Variants in HS6ST3 observed in about 807,000 individuals in gnomAD.
The protein encoded by HS6ST3 is heparan-sulfate 6-O-sulfotransferase 3.
HS6ST3 carries 12 observed loss-of-function variants against 36.7 expected under a neutral mutation model. The ratio of observed to expected loss-of-function variants is 0.33; its 90% confidence interval spans 0.21 to 0.53. The LOEUF (loss-of-function observed/expected upper bound fraction) is 0.53. HS6ST3 is among the 20% of genes least tolerant of loss of function. The probability of loss-of-function intolerance (pLI) is 0.95; values close to 1 mark genes in which losing one functional copy is unlikely to be tolerated. For synonymous variants in HS6ST3, 240 were observed against 257.5 expected (o/e 0.93, Z 0.65); for missense variants, 584 against 640.9 (o/e 0.91, Z 0.96).
chr13:96,092,503 C>A (rs1054263665), intron 1 of HS6ST3, among the ~76,000 whole-genome samples: 1 of 152,228 alleles, frequency 6.6e-6, no homozygotes, highest in African/African-American at 2.4e-5. Flanking sequence ...AAGGTCCTTT[C>A]TGCCCATTGC....
chr13:96,685,717 A>T (rs1874756772), intron 1 of HS6ST3, among the ~76,000 whole-genome samples: 1 of 152,068 alleles, frequency 6.6e-6, no homozygotes, highest in South Asian at 2.1e-4. Flanking sequence ...GATAAAATAT[A>T]TTCTCTTAAA....
intron 1 of HS6ST3, among the ~76,000 whole-genome samples, chr13:96,555,624 T>C (rs375433481): frequency 7.5e-4 from 114 of 152,320 alleles, no homozygotes; most frequent in African/African-American, 2.7e-3. Context: ...ACATGGTTTA[T>C]ATTATGTATG....
At chr13:96,462,977 T>TA (rs1198682317) in intron 1 of HS6ST3, among the ~76,000 whole-genome samples, 1 of 152,184 alleles carries the variant, frequency 6.6e-6, no homozygotes, top group African/African-American at 2.4e-5. Context: ...TTATAGATTA[T>TA]AAATTTGATT....
intron 1 of HS6ST3, among the ~76,000 whole-genome samples, chr13:96,444,937 G>A (rs1030146473): frequency 2.0e-5 from 3 of 152,144 alleles, no homozygotes; most frequent in African/African-American, 7.2e-5. Flanking sequence ...ACTCTTTGAA[G>A]ATCAGAAGAT....
At chr13:96,400,427 A>G (rs907816105) in intron 1 of HS6ST3, among the ~76,000 whole-genome samples, 5 of 152,094 alleles carry the variant, frequency 3.3e-5, no homozygotes, top group Non-Finnish European at 7.4e-5. Flanking sequence ...CATAATATCT[A>G]GTAAAGTGTC....
At chr13:96,652,516 G>A (rs1025283752) in intron 1 of HS6ST3, among the ~76,000 whole-genome samples, 2 of 151,756 alleles carry the variant, frequency 1.3e-5, no homozygotes, top group Non-Finnish European at 2.9e-5. Flanking sequence ...GTGCTTTAAT[G>A]TACTTGGTAC....
At chr13:96,204,986 T>C (rs959671372) in intron 1 of HS6ST3, among the ~76,000 whole-genome samples, 14 of 151,578 alleles carry the variant, frequency 9.2e-5, no homozygotes, top group African/African-American at 2.9e-4. Flanking sequence ...ATAACCAAAA[T>C]CAGAGCTGAA....
chr13:96,279,883 A>AT (rs2054766929), intron 1 of HS6ST3, among the ~76,000 whole-genome samples: 1 of 152,072 alleles, frequency 6.6e-6, no homozygotes, highest in South Asian at 2.1e-4. Flanking sequence ...ATAAAACTAT[A>AT]TTTTTTGCTA....
At chr13:96,505,550 T>C (rs1277304394) in intron 1 of HS6ST3, among the ~76,000 whole-genome samples, 1 of 152,082 alleles carries the variant, frequency 6.6e-6, no homozygotes, top group Non-Finnish European at 1.5e-5. Flanking sequence ...TACTGACATA[T>C]GCAAAGTACT....
chr13:96,459,220 T>C (rs7331513), intron 1 of HS6ST3, among the ~76,000 whole-genome samples: 1 of 151,390 alleles, frequency 6.6e-6, no homozygotes, highest in South Asian at 2.1e-4. Context: ...CCTGAGGATA[T>C]AATTAATACT....
intron 1 of HS6ST3, among the ~76,000 whole-genome samples, chr13:96,725,041 C>G (rs919095846): frequency 6.6e-6 from 1 of 152,064 alleles, no homozygotes; most frequent in East Asian, 1.9e-4. Flanking sequence ...CGCATTGTCC[C>G]GGACACTTAG....
intron 1 of HS6ST3, among the ~76,000 whole-genome samples, chr13:96,302,818 TG>T (rs1209120079): frequency 3.3e-5 from 5 of 152,216 alleles, no homozygotes; most frequent in Non-Finnish European, 5.9e-5. Flanking sequence ...CTAAGCTAGA[TG>T]ATTTATAGTG....
At chr13:96,249,757 T>G (rs1331597127) in intron 1 of HS6ST3, among the ~76,000 whole-genome samples, 1 of 152,170 alleles carries the variant, frequency 6.6e-6, no homozygotes, top group African/African-American at 2.4e-5. Flanking sequence ...GGAATATTAC[T>G]CAGCCTTAAA....
intron 1 of HS6ST3, among the ~76,000 whole-genome samples, chr13:96,544,440 CA>C (rs985658818): frequency 7.2e-5 from 11 of 152,212 alleles, no homozygotes; most frequent in Admixed American, 5.2e-4. Context: ...CCATGTTGTA[CA>C]AGACAATTGA....
At chr13:96,152,392 C>T (rs1393622421) in intron 1 of HS6ST3, among the ~76,000 whole-genome samples, 1 of 138,416 alleles carries the variant, frequency 7.2e-6, no homozygotes. Context: ...GGCTGGAGTG[C>T]AGTGGAGCGA....
intron 1 of HS6ST3, among the ~76,000 whole-genome samples, chr13:96,510,431 G>A (rs1235199260): frequency 6.6e-6 from 1 of 152,098 alleles, no homozygotes; most frequent in Non-Finnish European, 1.5e-5. Flanking sequence ...GGTGAAAGTA[G>A]GCATTCTTGT....
intron 1 of HS6ST3, among the ~76,000 whole-genome samples, chr13:96,116,187 C>G (rs979313243): frequency 6.6e-6 from 1 of 152,192 alleles, no homozygotes; most frequent in Non-Finnish European, 1.5e-5. Flanking sequence ...GGAATTAGCT[C>G]TCCTTCAACG....
intron 1 of HS6ST3, among the ~76,000 whole-genome samples, chr13:96,762,636 T>A (rs1876998554): frequency 6.6e-6 from 1 of 152,210 alleles, no homozygotes; most frequent in South Asian, 2.1e-4. Context: ...TGGAGTCTTA[T>A]TCTCTGATCT....
chr13:96,578,710 C>T (rs1016584017), intron 1 of HS6ST3, among the ~76,000 whole-genome samples: 1 of 152,154 alleles, frequency 6.6e-6, no homozygotes, highest in Non-Finnish European at 1.5e-5. Flanking sequence ...CAGGCACACA[C>T]CACCATGCCT....
Sources: gnomAD v4.1 joint callset for allele counts (sites outside exome capture counted in the v4.1 genomes callset) on GRCh38, gnomAD v4.1.1 for gene constraint, MANE v1.5 for transcripts, NCBI Gene and HGNC (gene_info 2026-07-23, HGNC 2026-07-21) for gene names.